SORCS1: variants seen among roughly 807,000 people sequenced by gnomAD.
SORCS1 encodes sortilin related VPS10 domain containing receptor 1, also known as VPS10 domain-containing receptor SorCS1.
In SORCS1, 60 loss-of-function variants were observed where a neutral mutation model predicts 146.1. The ratio of observed to expected loss-of-function variants is 0.41; its 90% CI spans 0.33 to 0.51. The LOEUF is 0.51. Ranked by LOEUF, SORCS1 falls within the 20% of genes least tolerant of loss-of-function variation. The probability of loss-of-function intolerance (pLI) is 0.21; values close to 1 mark genes in which losing one functional copy is unlikely to be tolerated. For missense variants in SORCS1, 1,352 were observed against 1,487.6 expected, an observed-to-expected ratio of 0.91 and a Z score of 1.50; for synonymous variants, 637 against 584.0, an observed-to-expected ratio of 1.09 and a Z score of -1.31.
chr10:107,098,696 T>A (rs193145016), intron 1 of SORCS1, among the ~76,000 whole-genome samples: 2 of 152,350 alleles, frequency 1.3e-5, no homozygotes, highest in East Asian at 3.9e-4. Flanking sequence ...GGAATTGAAA[T>A]TAGTTCCTTG....
chr10:106,809,796 T>C (rs1416685277), intron 3 of SORCS1, among the ~76,000 whole-genome samples: 2 of 152,214 alleles, frequency 1.3e-5, no homozygotes, highest in South Asian at 2.1e-4. Flanking sequence ...ACAATAGTCC[T>C]TTTCTTCCCT....
At chr10:106,983,048 T>C (rs971378977) in intron 1 of SORCS1, among the ~76,000 whole-genome samples, 1 of 151,190 alleles carries the variant, frequency 6.6e-6, no homozygotes, top group Non-Finnish European at 1.5e-5. Context: ...AAATGAGTGA[T>C]TTTTAAATAT....
intron 1 of SORCS1, among the ~76,000 whole-genome samples, chr10:106,989,696 T>TTTTTTTTTTTG (rs1450607681): frequency 7.5e-6 from 1 of 133,960 alleles, no homozygotes; most frequent in African/African-American, 2.8e-5. Flanking sequence ...TTTTTTTTTT[T>TTTTTTTTTTTG]TTTTTTCTGA....
chr10:106,993,320 A>G (rs552291736), intron 1 of SORCS1, among the ~76,000 whole-genome samples: 37 of 152,302 alleles, frequency 2.4e-4, no homozygotes, highest in Non-Finnish European at 5.0e-4. Context: ...GCTTTACACA[A>G]AGCTGCACTG....
intron 19 of SORCS1, among the ~76,000 whole-genome samples, chr10:106,628,303 C>T (rs997573235): frequency 6.6e-6 from 1 of 152,202 alleles, no homozygotes; most frequent in South Asian, 2.1e-4. Context: ...CTAATTGATA[C>T]TTTCTGTATT....
chr10:107,067,484 A>C (rs1961989916), intron 1 of SORCS1, among the ~76,000 whole-genome samples: 1 of 152,156 alleles, frequency 6.6e-6, no homozygotes, highest in African/African-American at 2.4e-5. Context: ...ACTCCAAAAC[A>C]TCCCGGTGTA....
chr10:107,141,462 T>G (rs182864543), intron 1 of SORCS1, among the ~76,000 whole-genome samples: 228 of 151,096 alleles, frequency 1.5e-3, no homozygotes, highest in African/African-American at 5.2e-3. Flanking sequence ...ATTATTGGAC[T>G]ATTTTTCAAA....
In SORCS1 at chr10:107,128,017, C is replaced by A. The variant is rs113426656; in HGVS notation, c.558+35952G>T. Among the ~76,000 whole-genome samples the A allele has an allele frequency of 2.0e-3, 312 of 152,316 alleles. 2 individuals are homozygous for A. Among genetic ancestry groups the A allele is most frequent in the African/African-American group, 7.1e-3 (294 of 41,564 alleles). ...GAATACAAGTATTTCTGCAAAATAG[C>A]TATGAAAGGGACTGGAACTCAGGAG... On this transcript the variant is annotated intron_variant, in intron 1 of 25. Coordinates refer to ENST00000263054, the MANE Select transcript of SORCS1 (RefSeq NM_052918.5).
At chr10:106,611,522 G>A (rs543365721) in intron 22 of SORCS1, among the ~76,000 whole-genome samples, 142 of 152,310 alleles carry the variant, frequency 9.3e-4, no homozygotes, top group African/African-American at 3.0e-3. Flanking sequence ...AGTCAGCCGA[G>A]GACACTTACA....
intron 2 of SORCS1, among the ~76,000 whole-genome samples, chr10:106,911,778 T>C (rs971242505): frequency 3.9e-5 from 6 of 152,068 alleles, no homozygotes; most frequent in African/African-American, 4.8e-5. Context: ...AATTAGGATC[T>C]GTTGGTGGAA....
chr10:106,706,423 A>G, intron 8 of SORCS1, 122 bp downstream of exon 8: 1 of 916,036 alleles, frequency 1.1e-6, no homozygotes, highest in South Asian at 1.6e-5. Context: ...TGGGAAACAG[A>G]GATGAGAGAT....
intron 2 of SORCS1, among the ~76,000 whole-genome samples, chr10:106,841,238 G>A (rs1197499583): frequency 6.6e-6 from 1 of 152,162 alleles, no homozygotes; most frequent in Non-Finnish European, 1.5e-5. Flanking sequence ...GGAAGGCTGA[G>A]GAGGGCAGAT....
At chr10:106,757,314 T>C (rs554341147) in intron 5 of SORCS1, among the ~76,000 whole-genome samples, 1 of 152,256 alleles carries the variant, frequency 6.6e-6, no homozygotes, top group African/African-American at 2.4e-5. Flanking sequence ...AACAATTTGA[T>C]TTAACACTAG....
intron 1 of SORCS1, among the ~76,000 whole-genome samples, chr10:106,991,854 C>G (rs2015403): frequency 6.6e-6 from 1 of 152,128 alleles, no homozygotes; most frequent in Non-Finnish European, 1.5e-5. Context: ...TTTCCTTTTG[C>G]AGCTTCCTTT....
the SORCS1 span, among the ~76,000 whole-genome samples, chr10:107,179,046 A>G: frequency 6.6e-6 from 1 of 152,048 alleles, no homozygotes; most frequent in Admixed American, 6.6e-5. Flanking sequence ...CTATATTGTT[A>G]TCCATGATGG....
In SORCS1 at chr10:107,108,736, A is replaced by G. The variant is rs920727625; in HGVS notation, c.558+55233T>C. Among the ~76,000 whole-genome samples, 6 of 152,276 alleles carry G rather than the reference A, an allele frequency of 3.9e-5. No homozygotes were observed. The South Asian group carries it at 1.0e-3, about 26-fold the overall frequency. ...TCCCCCCGTCTTAACTCATTCTAGC[A>G]TCAACTCAAAAGTCCAAAACCCAAA... is the stretch of plus-strand genomic sequence containing the variant. On this transcript the variant is annotated intron_variant, in intron 1 of 25. Coordinates refer to ENST00000263054, the MANE Select transcript of SORCS1 (RefSeq NM_052918.5).
At chr10:107,174,410 G>A in the SORCS1 span, among the ~76,000 whole-genome samples, 7 of 152,096 alleles carry the variant, frequency 4.6e-5, no homozygotes, top group Admixed American at 2.0e-4. Context: ...GGGTTTCACC[G>A]TGTTAGCCAG....
intron 2 of SORCS1, among the ~76,000 whole-genome samples, chr10:106,912,126 A>AC (rs1952195847): frequency 6.7e-6 from 1 of 148,390 alleles, no homozygotes; most frequent in South Asian, 2.1e-4. Context: ...AAAAAAAAAC[A>AC]AACAAACAAA....
chr10:106,926,824 TATATACAC>T (rs1487902715), intron 2 of SORCS1, among the ~76,000 whole-genome samples: 3 of 14,570 alleles, frequency 2.1e-4, no homozygotes, highest in Non-Finnish European at 3.6e-4. Flanking sequence ...CTAAGGAATA[TATATACAC>T]ACACACACAC....
Sources: gnomAD v4.1 joint callset for allele counts (sites outside exome capture counted in the v4.1 genomes callset) on GRCh38, gnomAD v4.1.1 for gene constraint, MANE v1.5 for transcripts, NCBI Gene and HGNC (gene_info 2026-07-23, HGNC 2026-07-21) for gene names.